Variants in DACH1 observed in about 807,000 individuals in gnomAD.
The protein encoded by DACH1 is dachshund homolog 1.
Under a neutral mutation model 54.2 loss-of-function variants are expected in DACH1, and 12 were observed. The observed-to-expected ratio is 0.22, with a 90% CI of 0.14 to 0.36. DACH1 has a LOEUF of 0.36. Ranked by LOEUF, DACH1 falls within the 10% of genes least tolerant of loss-of-function variation. The pLI, the probability that DACH1 is intolerant of heterozygous loss-of-function variation, is 1.00. For synonymous variants in DACH1, 386 were observed against 366.2 expected, an observed-to-expected ratio of 1.05 and a Z score of -0.62; for missense variants, 805 against 929.8, an observed-to-expected ratio of 0.87 and a Z score of 1.75.
At chr13:71,498,902 A>G (rs1034960776) in intron 6 of DACH1, among the ~76,000 whole-genome samples, 1 of 152,162 alleles carries the variant, frequency 6.6e-6, no homozygotes, top group African/African-American at 2.4e-5. Flanking sequence ...TTCTGTATTC[A>G]GAAATTCTAA....
intron 2 of DACH1, among the ~76,000 whole-genome samples, chr13:71,653,236 A>G (rs1878810672): frequency 6.6e-6 from 1 of 152,196 alleles, no homozygotes; most frequent in Non-Finnish European, 1.5e-5. Flanking sequence ...CTCAAAAGAA[A>G]CACACTCTTC....
intron 1 of DACH1, among the ~76,000 whole-genome samples, chr13:71,784,949 A>T (rs569715524): frequency 6.6e-6 from 1 of 152,304 alleles, no homozygotes; most frequent in Admixed American, 6.5e-5. Flanking sequence ...AATAGTAATG[A>T]TCACTAGAAA....
At chr13:71,571,956 C>T (rs1309157227) in intron 4 of DACH1, among the ~76,000 whole-genome samples, 1 of 151,908 alleles carries the variant, frequency 6.6e-6, no homozygotes, top group Non-Finnish European at 1.5e-5. Context: ...AGGATGGTCT[C>T]GATCTTCTGA....
At chr13:71,666,779 G>A (rs569558452) in intron 2 of DACH1, among the ~76,000 whole-genome samples, 2 of 152,182 alleles carry the variant, frequency 1.3e-5, no homozygotes, top group Non-Finnish European at 2.9e-5. Context: ...TCAGGAGTTC[G>A]AGACCACCCT....
chr13:71,695,525 A>T (rs1881781316), intron 1 of DACH1, among the ~76,000 whole-genome samples: 1 of 152,228 alleles, frequency 6.6e-6, no homozygotes, highest in Non-Finnish European at 1.5e-5. Context: ...CGTGAGTATT[A>T]TTTTAACTAA....
intron 1 of DACH1, among the ~76,000 whole-genome samples, chr13:71,739,430 A>G (rs1884290097): frequency 1.3e-5 from 2 of 152,196 alleles, no homozygotes; most frequent in African/African-American, 4.8e-5. Flanking sequence ...GAAATTAAAG[A>G]GATGAAAGTA....
chr13:71,784,004 A>C (rs1300214740), intron 1 of DACH1, among the ~76,000 whole-genome samples: 1 of 151,778 alleles, frequency 6.6e-6, no homozygotes, highest in Non-Finnish European at 1.5e-5. Context: ...AAAGATAACA[A>C]AAGTGTTAGC....
At chr13:71,768,552 T>C (rs894502250) in intron 1 of DACH1, among the ~76,000 whole-genome samples, 1 of 151,994 alleles carries the variant, frequency 6.6e-6, no homozygotes. Flanking sequence ...TAAGATGTTT[T>C]TAAAAGTGTT....
chr13:71,546,174 T>A (rs769724529), intron 6 of DACH1, among the ~76,000 whole-genome samples: 1 of 152,042 alleles, frequency 6.6e-6, no homozygotes, highest in Non-Finnish European at 1.5e-5. Flanking sequence ...TTTTAAATCA[T>A]CCTATCAACT....
chr13:71,519,310 A>ATTTTCTATG (rs1318099819), intron 6 of DACH1, among the ~76,000 whole-genome samples: 1 of 151,806 alleles, frequency 6.6e-6, no homozygotes, highest in Non-Finnish European at 1.5e-5. Context: ...CTATGACGGG[A>ATTTTCTATG]AATAGTATTT....
At chr13:71,806,638 C>T (rs1462444320) in intron 1 of DACH1, among the ~76,000 whole-genome samples, 1 of 152,128 alleles carries the variant, frequency 6.6e-6, no homozygotes, top group Non-Finnish European at 1.5e-5. Context: ...TTATTTAAAT[C>T]TAAGCAGTGT....
chr13:71,548,372 T>C (rs1334839420), intron 6 of DACH1, among the ~76,000 whole-genome samples: 1 of 152,200 alleles, frequency 6.6e-6, no homozygotes, highest in East Asian at 1.9e-4. Context: ...AGTAATCTGA[T>C]ATCTGTGGAA....
chr13:71,625,089 T>C (rs1036288659), intron 3 of DACH1, among the ~76,000 whole-genome samples: 15 of 152,000 alleles, frequency 9.9e-5, no homozygotes, highest in African/African-American at 3.4e-4. Flanking sequence ...TCAGGACCTA[T>C]GTCTAAAGCC....
intron 6 of DACH1, among the ~76,000 whole-genome samples, chr13:71,518,593 G>A (rs376076617): frequency 5.3e-5 from 8 of 151,790 alleles, no homozygotes; most frequent in African/African-American, 1.7e-4. Flanking sequence ...TAAGGGGTCT[G>A]GGCCTTCTGA....
chr13:71,854,329 G>A (rs1289931762), intron 1 of DACH1, among the ~76,000 whole-genome samples: 1 of 151,848 alleles, frequency 6.6e-6, no homozygotes, highest in African/African-American at 2.4e-5. Flanking sequence ...AAAAATAAAG[G>A]TGGGTTATGA....
chr13:71,560,941 A>G (rs1244257654), intron 4 of DACH1, among the ~76,000 whole-genome samples: 1 of 152,194 alleles, frequency 6.6e-6, no homozygotes, highest in African/African-American at 2.4e-5. Context: ...TGTACTTATA[A>G]ATAATTAGTA....
intron 2 of DACH1, chr13:71,675,227 A>G (rs1880487122): frequency 6.4e-7 from 1 of 1,573,056 alleles, no homozygotes; most frequent in African/African-American, 1.4e-5. Context: ...GTTAGACGTT[A>G]TCAGAAGTCC....
chr13:71,866,502 C>G lies in DACH1; in HGVS notation c.268G>C (p.Gly90Arg). 1.6e-6 allele frequency: 2 copies of G among 1,221,980 alleles called. No homozygotes were observed. Among genetic ancestry groups the G allele is most frequent in the Non-Finnish European group, 2.0e-6 (2 of 982,838 alleles). The allele number at this position is 1,221,980 out of a possible 1,614,324, so 75.7% of individuals were successfully genotyped here. ...GGSGGGGGSS[G>R]NGGGGGGGGG... ...CCGCCGCCACCGCCGCCTCCGTTGC[C>G]GCTGCTGCCGCCGCCGCCTCCGCTG... The change falls in exon 1 of 11, where the codon GGC becomes CGC. Residue 90 changes from glycine (G) to arginine (R), a missense_variant. Physicochemically the swap from Gly to Arg is moderately radical, Grantham distance 125. This residue lies in a region of DACH1 where 305 missense variants were observed against 308.7 expected (regional missense o/e 0.99). Coordinates refer to ENST00000613252, the MANE Select transcript of DACH1 (RefSeq NM_080759.6).
At chr13:71,736,247 T>C (rs574373869) in intron 1 of DACH1, among the ~76,000 whole-genome samples, 4 of 152,312 alleles carry the variant, frequency 2.6e-5, no homozygotes, top group African/African-American at 9.6e-5. Flanking sequence ...TCTAGGCTGT[T>C]TGTGATTCAC....
Sources: gnomAD v4.1 joint callset for allele counts (sites outside exome capture counted in the v4.1 genomes callset) on GRCh38, gnomAD v4.1.1 for gene constraint, gnomAD v4.1.1 regional missense constraint, MANE v1.5 for transcripts, NCBI Gene and HGNC (gene_info 2026-07-23, HGNC 2026-07-21) for gene names.